Variants in LRRK2 observed in about 807,000 individuals in gnomAD.
LRRK2 encodes the protein leucine rich repeat kinase 2.
Under a neutral mutation model 302.6 loss-of-function variants are expected in LRRK2, and 203 were observed. That is an observed-to-expected ratio of 0.67 (90% confidence interval 0.60 to 0.75). The LOEUF is 0.75. Among genes scored for constraint, LRRK2 ranks in the 30% least tolerant of loss-of-function variants. The pLI is 0.00. For synonymous variants in LRRK2, 1,066 were observed against 1,031.9 expected, an observed-to-expected ratio of 1.03 and a Z score of -0.63; for missense variants, 2,830 against 2,951.0, an observed-to-expected ratio of 0.96 and a Z score of 0.95.
At chr12:40,243,848 A>C (rs951040152) in intron 7 of LRRK2, among the ~76,000 whole-genome samples, 167 bp downstream of exon 7, 2 of 152,148 alleles carry the variant, frequency 1.3e-5, no homozygotes, top group African/African-American at 4.8e-5. Flanking sequence ...AATACTGTAA[A>C]TTACCAAACT....
chr12:40,229,382 C>T (rs1941061337), intron 2 of LRRK2, among the ~76,000 whole-genome samples: 1 of 152,036 alleles, frequency 6.6e-6, no homozygotes, highest in South Asian at 2.1e-4. Flanking sequence ...ACATGATATT[C>T]CAGACTGCCA....
chr12:40,273,938 G>C (rs961161738), intron 14 of LRRK2, among the ~76,000 whole-genome samples: 1 of 152,128 alleles, frequency 6.6e-6, no homozygotes, highest in Non-Finnish European at 1.5e-5. Flanking sequence ...TCAGATTAAA[G>C]AGGTTGGATG....
At chr12:40,351,764 A>T (rs753368918) in intron 44 of LRRK2, 31 bp downstream of exon 44, 75 of 1,596,648 alleles carry the variant, frequency 4.7e-5, no homozygotes, top group Non-Finnish European at 6.3e-5. Context: ...AATCTTTCAT[A>T]ATTTAAAGCA....
intron 1 of LRRK2, 127 bp downstream of exon 1, chr12:40,225,409 C>A: frequency 1.5e-6 from 2 of 1,300,326 alleles, no homozygotes; most frequent in Non-Finnish European, 2.2e-6. Flanking sequence ...CGCAAACTCC[C>A]ATATCCTTTC....
intron 31 of LRRK2, 110 bp from the exon 32 acceptor site, chr12:40,313,862 C>G (rs1945116218): frequency 3.8e-6 from 3 of 787,734 alleles, no homozygotes; most frequent in Non-Finnish European, 6.2e-6. Flanking sequence ...AAATGTACTT[C>G]TGAATAATAT....
At chr12:40,237,562 T>C (rs1941522104) in intron 4 of LRRK2, among the ~76,000 whole-genome samples, 1 of 151,848 alleles carries the variant, frequency 6.6e-6, no homozygotes, top group African/African-American at 2.4e-5. Context: ...GACTTAGGAG[T>C]TTCTCTTGGG....
intron 8 of LRRK2, among the ~76,000 whole-genome samples, chr12:40,250,346 C>T (rs192266679): frequency 6.6e-6 from 1 of 152,006 alleles, no homozygotes; most frequent in Non-Finnish European, 1.5e-5. Flanking sequence ...AAAAATTAGT[C>T]TGGCATGGTG....
At chr12:40,307,755 A>G (rs1944875609) in intron 28 of LRRK2, among the ~76,000 whole-genome samples, 1 of 148,632 alleles carries the variant, frequency 6.7e-6, no homozygotes, top group Admixed American at 6.7e-5. Context: ...TTTATAATTT[A>G]TAGGGTTTTT....
At chr12:40,287,778 C>T (rs1021603367) in intron 20 of LRRK2, among the ~76,000 whole-genome samples, 1 of 151,698 alleles carries the variant, frequency 6.6e-6, no homozygotes, top group African/African-American at 2.4e-5. Context: ...GAAACAAACT[C>T]TGACTAGACT....
intron 39 of LRRK2, among the ~76,000 whole-genome samples, chr12:40,332,932 AG>A (rs1353132327): frequency 6.8e-6 from 1 of 147,820 alleles, no homozygotes; most frequent in Non-Finnish European, 1.5e-5. Context: ...TTAAAAAAAA[AG>A]GGGTGTGCAT....
intron 41 of LRRK2, among the ~76,000 whole-genome samples, chr12:40,342,843 G>A (rs184970662): frequency 5.9e-5 from 9 of 152,220 alleles, no homozygotes; most frequent in South Asian, 2.1e-4. Context: ...TTACTGCAGC[G>A]TGTGCATTAT....
Position 40,251,462 on chromosome 12 carries a change from C to T in LRRK2, c.1102-3C>T, listed in dbSNP as rs199611108. 1.1e-4 allele frequency: 183 copies of T among 1,611,314 alleles called. No individual in the cohort carries two copies. Among genetic ancestry groups the T allele is most frequent in the Non-Finnish European group, 1.5e-4 (174 of 1,178,512 alleles). On this transcript the variant is annotated splice_polypyrimidine_tract_variant and splice_region_variant and intron_variant, in intron 9 of 50. Transcript: ENST00000298910. ...CAGATTTCTTTTTTCTCCCCTAATC[C>T]AGGAGGCCGCATGCTGGGCACTAAA...
At chr12:40,307,290 T>C (rs1944857600) in intron 28 of LRRK2, among the ~76,000 whole-genome samples, 1 of 152,048 alleles carries the variant, frequency 6.6e-6, no homozygotes, top group Non-Finnish European at 1.5e-5. Context: ...AATTGATCAC[T>C]ACTCTGATGT....
At chr12:40,277,068 T>C (rs10784485) in intron 16 of LRRK2, among the ~76,000 whole-genome samples, 16,572 of 152,182 alleles carry the variant, frequency 0.11, 1,183 homozygotes, top group African/African-American at 0.18. Context: ...CTTGAATTCC[T>C]GGGCTCAAGC....
At chr12:40,285,610 C>T (rs1027154165) in intron 19 of LRRK2, among the ~76,000 whole-genome samples, 2 of 151,696 alleles carry the variant, frequency 1.3e-5, no homozygotes, top group African/African-American at 4.8e-5. Flanking sequence ...TCTCAATGTG[C>T]ACAAAAATTA....
At chr12:40,320,440 T>C (rs1224125404) in intron 34 of LRRK2, among the ~76,000 whole-genome samples, 1 of 151,914 alleles carries the variant, frequency 6.6e-6, no homozygotes, top group African/African-American at 2.4e-5. Flanking sequence ...AGGTAAATAG[T>C]GGAGATTAAT....
At chr12:40,320,252 T>C (rs1945359623) in intron 34 of LRRK2, 77 bp downstream of exon 34, 1 of 1,165,314 alleles carries the variant, frequency 8.6e-7, no homozygotes, top group East Asian at 2.4e-5. Context: ...CTAACTGTAG[T>C]CTATAATAGA....
Position 40,294,878 on chromosome 12 carries a change from CGAAAAA to C in LRRK2, c.2849_2854del (p.Arg950_Lys951del). On this transcript the variant is annotated inframe_deletion, in exon 22 of 51. Coordinates refer to ENST00000298910, the MANE Select transcript of LRRK2 (RefSeq NM_198578.4). The stretch of plus-strand genomic sequence containing the variant: ...TTTTGATCATGAAGATTTACTGAAG[CGAAAAA>C]GAAAAATATTATCTTCAGATGATTC... The C allele has an allele frequency of 1.9e-6, 3 of 1,546,092 alleles. No homozygotes were observed. The highest frequency in any genetic ancestry group is 1.8e-6 in the Non-Finnish European group (2 of 1,123,570).
intron 29 of LRRK2, 43 bp downstream of exon 29, chr12:40,308,739 G>A (rs371310838): frequency 2.6e-6 from 4 of 1,562,352 alleles, no homozygotes; most frequent in African/African-American, 2.7e-5. Context: ...TTTACCATTT[G>A]TTTGGAACAG....
Sources: gnomAD v4.1 joint callset for allele counts (sites outside exome capture counted in the v4.1 genomes callset) on GRCh38, gnomAD v4.1.1 for gene constraint, MANE v1.5 for transcripts, NCBI Gene and HGNC (gene_info 2026-07-23, HGNC 2026-07-21) for gene names.